Variants in ADAMTSL3 observed in about 807,000 individuals in gnomAD.
ADAMTSL3 encodes the protein ADAMTS-like protein 3.
In ADAMTSL3, 128 loss-of-function variants were observed where a neutral mutation model predicts 201.7. The ratio of observed to expected loss-of-function variants is 0.63; its 90% CI spans 0.55 to 0.73. The LOEUF is 0.73. ADAMTSL3 is among the 30% of genes least tolerant of loss of function. ADAMTSL3 has a pLI of 0.00. For synonymous variants in ADAMTSL3, 738 were observed against 748.4 expected (o/e 0.99, Z 0.23); for missense variants, 1,990 against 2,119.6 (o/e 0.94, Z 1.20).
chr15:83,967,462 C>G (rs2067110802), intron 19 of ADAMTSL3, among the ~76,000 whole-genome samples: 2 of 152,164 alleles, frequency 1.3e-5, no homozygotes, highest in Admixed American at 1.3e-4. Flanking sequence ...CCTAGGAATA[C>G]AGCTTACAAG....
intron 5 of ADAMTSL3, among the ~76,000 whole-genome samples, chr15:83,808,464 CAA>C (rs1294398543): frequency 2.0e-5 from 3 of 152,058 alleles, no homozygotes; most frequent in Non-Finnish European, 4.4e-5. Flanking sequence ...ATTATTATCA[CAA>C]AGACAAAAGA....
intron 12 of ADAMTSL3, 138 bp downstream of exon 12, chr15:83,891,517 C>G (rs1390348427): frequency 6.1e-6 from 4 of 656,896 alleles, no homozygotes; most frequent in Non-Finnish European, 7.7e-6. Context: ...GACTTCTACT[C>G]AATAATAGGA....
chr15:83,747,882 C>A (rs1475707231), intron 3 of ADAMTSL3, among the ~76,000 whole-genome samples: 2 of 151,164 alleles, frequency 1.3e-5, no homozygotes, highest in East Asian at 3.9e-4. Context: ...TGGACGAGGG[C>A]AGCTCAGGGT....
chr15:83,883,169 A>G (rs2065311135), intron 9 of ADAMTSL3, among the ~76,000 whole-genome samples: 1 of 149,458 alleles, frequency 6.7e-6, no homozygotes, highest in Non-Finnish European at 1.5e-5. Flanking sequence ...ATTTTATTTT[A>G]TTTTATTTTA....
intron 8 of ADAMTSL3, 122 bp downstream of exon 8, chr15:83,858,962 G>A (rs2064799417): frequency 1.4e-6 from 1 of 738,672 alleles, no homozygotes; most frequent in African/African-American, 1.8e-5. Context: ...TAAGTTAATG[G>A]GTAATGTTAC....
chr15:83,668,803 A>G (rs1031563330), intron 2 of ADAMTSL3, among the ~76,000 whole-genome samples: 1 of 152,150 alleles, frequency 6.6e-6, no homozygotes, highest in African/African-American at 2.4e-5. Flanking sequence ...TTCTGTTCTG[A>G]TGGGTATTCT....
At chr15:83,677,579 T>C (rs539788718) in intron 2 of ADAMTSL3, among the ~76,000 whole-genome samples, 1 of 152,256 alleles carries the variant, frequency 6.6e-6, no homozygotes, top group South Asian at 2.1e-4. Flanking sequence ...CCACTTCTTT[T>C]AAAAATTACT....
chr15:83,991,109 G>A lies in ADAMTSL3; in HGVS notation c.3868G>A (p.Glu1290Lys). ...AGAGGCACCTGTCATCTTGTCTGTT[G>A]AAAGAAATATCACCAAACCAGAGCA... Reference protein sequence around the residue: ...YAEAPVILSVERNITKPEHNH... With the variant: ...YAEAPVILSVKRNITKPEHNH... Residue 1290 changes from glutamate (E) to lysine (K), a missense_variant, in exon 23 of 30, where the codon GAA (glutamate) becomes AAA (lysine). Transcript: ENST00000286744. The A allele has an allele frequency of 6.2e-7, 1 of 1,614,182 alleles. No homozygotes were observed.
At chr15:83,736,058 C>A (rs2062364999) in intron 3 of ADAMTSL3, among the ~76,000 whole-genome samples, 1 of 152,130 alleles carries the variant, frequency 6.6e-6, no homozygotes, top group East Asian at 1.9e-4. Context: ...CAATTAGCAA[C>A]ATAAGTACAA....
intron 2 of ADAMTSL3, among the ~76,000 whole-genome samples, chr15:83,688,450 T>G (rs531426664): frequency 6.6e-6 from 1 of 152,212 alleles, no homozygotes; most frequent in East Asian, 1.9e-4. Flanking sequence ...GTTACAAATA[T>G]GTTCAAAAAC....
chr15:83,932,119 A>G (rs1005167478), intron 17 of ADAMTSL3, among the ~76,000 whole-genome samples: 1 of 152,212 alleles, frequency 6.6e-6, no homozygotes, highest in South Asian at 2.1e-4. Flanking sequence ...CTGGAAGACA[A>G]AGGAATAATA....
intron 16 of ADAMTSL3, among the ~76,000 whole-genome samples, chr15:83,920,215 T>C (rs2066112529): frequency 6.6e-6 from 1 of 152,210 alleles, no homozygotes; most frequent in Non-Finnish European, 1.5e-5. Flanking sequence ...ATACTCCCAA[T>C]AGAGATGTGT....
chr15:83,687,137 G>A (rs2061548279), intron 2 of ADAMTSL3, among the ~76,000 whole-genome samples: 1 of 152,172 alleles, frequency 6.6e-6, no homozygotes, highest in Admixed American at 6.5e-5. Context: ...CCAGGAGTTT[G>A]AAGTTGCAGT....
At chr15:83,684,683 T>C (rs192131908) in intron 2 of ADAMTSL3, among the ~76,000 whole-genome samples, 170 of 152,372 alleles carry the variant, frequency 1.1e-3, no homozygotes, top group African/African-American at 3.6e-3. Flanking sequence ...ATTATTCATG[T>C]TGTTAAATAT....
chr15:83,826,132 G>T (rs1367396421), intron 6 of ADAMTSL3, among the ~76,000 whole-genome samples: 1 of 151,998 alleles, frequency 6.6e-6, no homozygotes, highest in Admixed American at 6.6e-5. Flanking sequence ...TTGAGACAGG[G>T]TCTTGCTTTG....
intron 4 of ADAMTSL3, among the ~76,000 whole-genome samples, chr15:83,785,428 G>A (rs1004277063): frequency 6.6e-6 from 1 of 152,188 alleles, no homozygotes; most frequent in African/African-American, 2.4e-5. Flanking sequence ...AGACTTGGTA[G>A]TTCCTTTCCC....
At chr15:83,853,955 T>C (rs77790251) in intron 7 of ADAMTSL3, among the ~76,000 whole-genome samples, 226 of 132,190 alleles carry the variant, frequency 1.7e-3, no homozygotes, top group African/African-American at 6.0e-3. Context: ...TATCTATCTA[T>C]CTAATTCCTC....
At chr15:83,795,514 C>T (rs1044845943) in intron 4 of ADAMTSL3, among the ~76,000 whole-genome samples, 4 of 151,922 alleles carry the variant, frequency 2.6e-5, no homozygotes, top group African/African-American at 9.7e-5. Flanking sequence ...GAACTGCAAC[C>T]CTAAGATAAA....
intron 3 of ADAMTSL3, among the ~76,000 whole-genome samples, chr15:83,752,371 A>G (rs2062650079): frequency 6.6e-6 from 1 of 152,196 alleles, no homozygotes; most frequent in African/African-American, 2.4e-5. Flanking sequence ...AAAAAATCCC[A>G]TACTGGATAT....
Sources: gnomAD v4.1 joint callset for allele counts (sites outside exome capture counted in the v4.1 genomes callset) on GRCh38, gnomAD v4.1.1 for gene constraint, MANE v1.5 for transcripts, NCBI Gene and HGNC (gene_info 2026-07-23, HGNC 2026-07-21) for gene names.